TFCP2L1: variants seen among roughly 807,000 people sequenced by gnomAD.
The protein encoded by TFCP2L1 is transcription factor CP2 like 1, also known as transcription factor CP2-like protein 1.
In TFCP2L1, 12 loss-of-function variants were observed where a neutral mutation model predicts 72.2. The observed-to-expected ratio is 0.17, with a 90% CI of 0.11 to 0.27. The LOEUF is 0.27. TFCP2L1 is among the 10% of genes least tolerant of loss of function. TFCP2L1 has a pLI of 1.00. For missense variants in TFCP2L1, 488 were observed against 624.6 expected, an observed-to-expected ratio of 0.78 and a Z score of 2.33; for synonymous variants, 260 against 251.0, an observed-to-expected ratio of 1.04 and a Z score of -0.34.
chr2:121,247,976 C>T (rs1267431834), intron 5 of TFCP2L1, among the ~76,000 whole-genome samples, 188 bp downstream of exon 5: 1 of 152,202 alleles, frequency 6.6e-6, no homozygotes, highest in East Asian at 1.9e-4. Flanking sequence ...ACTCCTTTCC[C>T]TAAATATGGA....
chr2:121,266,307 A>G (rs1419368054), intron 2 of TFCP2L1, among the ~76,000 whole-genome samples: 1 of 151,944 alleles, frequency 6.6e-6, no homozygotes, highest in Non-Finnish European at 1.5e-5. Flanking sequence ...AATATCCACA[A>G]AAAATTGCCA....
At chr2:121,242,989 AG>A (rs529345042) in intron 6 of TFCP2L1, among the ~76,000 whole-genome samples, 147 of 152,308 alleles carry the variant, frequency 9.7e-4, no homozygotes, top group African/African-American at 3.4e-3. Context: ...CAACTTTCAA[AG>A]GGTGTACAGG....
intron 4 of TFCP2L1, among the ~76,000 whole-genome samples, chr2:121,248,497 T>C (rs1686535952): frequency 6.6e-6 from 1 of 152,208 alleles, no homozygotes; most frequent in South Asian, 2.1e-4. Context: ...GCTACAGAAA[T>C]ATGACCGTGC....
At chr2:121,281,409 A>C in intron 1 of TFCP2L1, 138 bp from the exon 2 acceptor site, 3 of 888,276 alleles carry the variant, frequency 3.4e-6, no homozygotes, top group Non-Finnish European at 5.0e-6. Flanking sequence ...TGCTGGCTGC[A>C]CTCCTGCAAC....
intron 2 of TFCP2L1, among the ~76,000 whole-genome samples, chr2:121,277,227 T>C (rs1214791827): frequency 6.6e-6 from 1 of 152,118 alleles, no homozygotes; most frequent in African/African-American, 2.4e-5. Flanking sequence ...AGGCCAGGGG[T>C]GGTGGTACAC....
intron 5 of TFCP2L1, 88 bp from the exon 6 acceptor site, chr2:121,247,058 C>A (rs1686503544): frequency 6.6e-7 from 1 of 1,514,130 alleles, no homozygotes; most frequent in Non-Finnish European, 9.0e-7. Flanking sequence ...TTGGAGGTGT[C>A]CTTCCCTGCT....
chr2:121,225,199 A>G (rs1011870579), intron 14 of TFCP2L1, among the ~76,000 whole-genome samples: 11 of 152,170 alleles, frequency 7.2e-5, no homozygotes, highest in Admixed American at 7.2e-4. Context: ...TCGGCAGAGC[A>G]CAGGCACACT....
intron 12 of TFCP2L1, 108 bp downstream of exon 12, chr2:121,233,983 G>A (rs936613048): frequency 4.0e-6 from 4 of 990,070 alleles, no homozygotes; most frequent in Admixed American, 1.8e-5. Context: ...TGGGAGCCCA[G>A]GACTGTCCTG....
At position 121,220,119 on chromosome 2, in the gene TFCP2L1, A is replaced by C. The variant is rs573163143; in HGVS notation, c.*4222T>G. ...CGTTTATTTCATCGACTTGTTAATG[A>C]TTTTCAGATCTTCAGTTACTCAGGC... On this transcript the variant is annotated 3_prime_UTR_variant, in exon 15 of 15. Coordinates refer to ENST00000263707, the MANE Select transcript of TFCP2L1 (RefSeq NM_014553.3). 6.6e-6 allele frequency: 1 copy of C among 151,656 alleles called. No homozygotes were observed. The highest frequency in any genetic ancestry group is 2.1e-4 in the South Asian group (1 of 4,802). The allele number at this position is 151,656 out of a possible 1,614,324, so 9.4% of individuals were successfully genotyped here.
At chr2:121,275,123 A>T (rs1004453464) in intron 2 of TFCP2L1, among the ~76,000 whole-genome samples, 1 of 151,298 alleles carries the variant, frequency 6.6e-6, no homozygotes, top group Non-Finnish European at 1.5e-5. Flanking sequence ...GGTGGCTCAC[A>T]CCTGTAATCC....
intron 2 of TFCP2L1, among the ~76,000 whole-genome samples, chr2:121,263,850 T>G (rs1181507782): frequency 6.6e-6 from 1 of 152,222 alleles, no homozygotes; most frequent in East Asian, 1.9e-4. Flanking sequence ...GGGCACTGGG[T>G]GCCTGGGGCA....
chr2:121,225,827 C>T (rs1004602532), intron 13 of TFCP2L1, among the ~76,000 whole-genome samples: 2 of 147,950 alleles, frequency 1.4e-5, no homozygotes, highest in Middle Eastern at 3.5e-3. Flanking sequence ...CCCACACACA[C>T]GGGAACACGG....
intron 2 of TFCP2L1, among the ~76,000 whole-genome samples, chr2:121,254,289 G>A (rs1483044796): frequency 6.6e-6 from 1 of 152,174 alleles, no homozygotes; most frequent in Non-Finnish European, 1.5e-5. Flanking sequence ...ATCCTCTGGA[G>A]TACATCAAAC....
chr2:121,265,541 C>T (rs60744873), intron 2 of TFCP2L1, among the ~76,000 whole-genome samples: 5,321 of 149,758 alleles, frequency 0.036, 246 homozygotes, highest in African/African-American at 0.11. Flanking sequence ...TGGAGTGCAG[C>T]GGTGCAATCT....
intron 7 of TFCP2L1, chr2:121,240,130 CA>C (rs1366142798): frequency 5.6e-5 from 55 of 984,960 alleles, no homozygotes; most frequent in East Asian, 1.1e-4. Flanking sequence ...AATCTGCTGA[CA>C]GGGGCGGAGG....
At chr2:121,228,772 CAAAAAAAA>C (rs59300568) in intron 13 of TFCP2L1, among the ~76,000 whole-genome samples, 3 of 58,180 alleles carry the variant, frequency 5.2e-5, no homozygotes, top group Admixed American at 6.0e-4. Flanking sequence ...CCGTGACTCA[CAAAAAAAA>C]AAAAAAAAAA....
At chr2:121,247,895 G>T (rs979744159) in intron 5 of TFCP2L1, among the ~76,000 whole-genome samples, 3 of 152,080 alleles carry the variant, frequency 2.0e-5, no homozygotes, top group African/African-American at 7.2e-5. Flanking sequence ...ATTTCTGTTG[G>T]GAAATACTCA....
In TFCP2L1 at chr2:121,249,171, C is replaced by T. The variant is rs375141370; in HGVS notation, c.292-84G>A. 1.4e-5 allele frequency: 16 copies of T among 1,110,210 alleles called. No individual in the cohort carries two copies. The East Asian group carries it at 3.3e-4, about 23-fold the overall frequency. The allele number at this position is 1,110,210 out of a possible 1,614,324, so 68.8% of individuals were successfully genotyped here. A position where few individuals can be genotyped will look rare whatever the true frequency, so the allele number is the denominator to read the frequency against. On this transcript the variant is annotated intron_variant, in intron 3 of 14. Coordinates refer to ENST00000263707, the MANE Select transcript of TFCP2L1 (RefSeq NM_014553.3). Reference sequence around the variant, plus strand: ...TCTTTTCCCTGAGCCACAGTAAACCCTCCCACCTTTGAGGCCCCTCCCCCT... The same window carrying T: ...TCTTTTCCCTGAGCCACAGTAAACCTTCCCACCTTTGAGGCCCCTCCCCCT...
chr2:121,243,773 C>CA (rs1686427704), intron 6 of TFCP2L1, among the ~76,000 whole-genome samples: 1 of 151,880 alleles, frequency 6.6e-6, no homozygotes, highest in African/African-American at 2.4e-5. Context: ...AAAACAAGCT[C>CA]AGGGCTCCCA....
Sources: gnomAD v4.1 joint callset for allele counts (sites outside exome capture counted in the v4.1 genomes callset) on GRCh38, gnomAD v4.1.1 for gene constraint, MANE v1.5 for transcripts, NCBI Gene and HGNC (gene_info 2026-07-23, HGNC 2026-07-21) for gene names.